The following RAD51B variants were observed in gnomAD, a reference collection of about 807,000 sequenced individuals.
RAD51B encodes the protein DNA repair protein RAD51 homolog 2.
In RAD51B, 38 loss-of-function variants were observed where a neutral mutation model predicts 42.2. That is an observed-to-expected ratio of 0.90 (90% CI 0.70 to 1.18). The LOEUF (loss-of-function observed/expected upper bound fraction) is 1.18. Among genes scored for constraint, RAD51B ranks in the 50% most tolerant of loss-of-function variants. The pLI is 0.00. For synonymous variants in RAD51B, 154 were observed against 145.2 expected (o/e 1.06, Z -0.43); for missense variants, 373 against 400.7 (o/e 0.93, Z 0.59).
At chr14:68,363,599 T>A (rs769654102) in intron 8 of RAD51B, among the ~76,000 whole-genome samples, 1 of 152,180 alleles carries the variant, frequency 6.6e-6, no homozygotes, top group Non-Finnish European at 1.5e-5. Context: ...CCACTCTGTG[T>A]CCTTCTTCCC....
chr14:68,121,407 T>G (rs1191160305), intron 7 of RAD51B, among the ~76,000 whole-genome samples: 2 of 152,196 alleles, frequency 1.3e-5, no homozygotes. Context: ...TCCTCCTTGT[T>G]GAGGAGTAAC....
rs149922000 is a variant in RAD51B, at chr14:68,530,996, GA to G, written c.1036+62747del. On this transcript the variant is annotated intron_variant, in intron 10 of 10. Coordinates refer to the RAD51B transcript ENST00000487270. The stretch of plus-strand genomic sequence containing the variant: ...TTGCCTTGTTCAGGGAGGAGGATAA[GA>G]TATTGAAAATTTCAGACTTTGAAAC... 6.0e-3 allele frequency among the ~76,000 whole-genome samples: 912 copies of G among 152,166 alleles called. 12 individuals carry two copies. The highest frequency in any genetic ancestry group is 0.021 in the African/African-American group (885 of 41,530).
chr14:67,962,409 C>T lies in RAD51B; in HGVS notation c.756+75205C>T, dbSNP rs984587729. 3.3e-5 allele frequency among the ~76,000 whole-genome samples: 5 copies of T among 152,078 alleles called. No individual in the cohort carries two copies. In the East Asian group the frequency reaches 9.6e-4, roughly 29 times the overall value. The stretch of plus-strand genomic sequence containing the variant: ...CATCATGTCATATCCTGATTGTTGC[C>T]AAACAAGAGAAAGGTTTCTTCAGTC... On this transcript the variant is annotated intron_variant, in intron 7 of 10. Transcript: ENST00000471583.
At chr14:68,019,425 G>A (rs767335301) in intron 7 of RAD51B, among the ~76,000 whole-genome samples, 26 of 151,992 alleles carry the variant, frequency 1.7e-4, no homozygotes, top group Admixed American at 2.6e-4. Context: ...AAAGTATAGC[G>A]CTGAACATAA....
chr14:68,216,664 C>A (rs2079822242), intron 7 of RAD51B, among the ~76,000 whole-genome samples: 1 of 152,116 alleles, frequency 6.6e-6, no homozygotes, highest in Non-Finnish European at 1.5e-5. Flanking sequence ...TTATTTCTTG[C>A]CATAAAATTA....
intron 10 of RAD51B, among the ~76,000 whole-genome samples, chr14:68,590,269 A>C (rs1224732888): frequency 1.3e-5 from 2 of 152,202 alleles, no homozygotes; most frequent in African/African-American, 4.8e-5. Flanking sequence ...TTTGCCATGC[A>C]TCTCTTCAAG....
chr14:67,956,301 G>C (rs1289478050), intron 7 of RAD51B, among the ~76,000 whole-genome samples: 1 of 151,896 alleles, frequency 6.6e-6, no homozygotes, highest in Non-Finnish European at 1.5e-5. Context: ...GGAGTTTGAG[G>C]CCAGCCTGGC....
At chr14:68,360,936 G>A (rs1470820706) in intron 8 of RAD51B, among the ~76,000 whole-genome samples, 5 of 152,174 alleles carry the variant, frequency 3.3e-5, no homozygotes, top group Non-Finnish European at 7.4e-5. Context: ...ATTCTTCTTG[G>A]CCTCCCTATA....
chr14:67,874,157 T>C (rs929757644), intron 5 of RAD51B, among the ~76,000 whole-genome samples: 1 of 152,126 alleles, frequency 6.6e-6, no homozygotes, highest in African/African-American at 2.4e-5. Flanking sequence ...GATGATATAC[T>C]TAAAAGCACT....
intron 7 of RAD51B, among the ~76,000 whole-genome samples, chr14:68,013,167 C>G (rs2140333733): frequency 6.6e-6 from 1 of 152,152 alleles, no homozygotes; most frequent in East Asian, 1.9e-4. Flanking sequence ...GCTGTTGGCC[C>G]CAGTTCCTCT....
chr14:68,350,480 C>T (rs1199451559), intron 8 of RAD51B, among the ~76,000 whole-genome samples: 1 of 152,228 alleles, frequency 6.6e-6, no homozygotes, highest in Non-Finnish European at 1.5e-5. Flanking sequence ...GCAGAGTGAG[C>T]AAAGGCTGAC....
At chr14:68,663,898 A>T (rs1403140742) in intron 11 of RAD51B, among the ~76,000 whole-genome samples, 1 of 152,198 alleles carries the variant, frequency 6.6e-6, no homozygotes. Flanking sequence ...TCAGGATTTT[A>T]TGTGATTATA....
At chr14:68,589,622 G>T (rs1890649993) in intron 10 of RAD51B, among the ~76,000 whole-genome samples, 1 of 152,208 alleles carries the variant, frequency 6.6e-6, no homozygotes, top group Non-Finnish European at 1.5e-5. Context: ...GCACAGGGCA[G>T]ATGAGGGTAG....
intron 8 of RAD51B, among the ~76,000 whole-genome samples, chr14:68,299,475 T>G (rs992346828): frequency 6.6e-6 from 1 of 152,208 alleles, no homozygotes; most frequent in African/African-American, 2.4e-5. Flanking sequence ...TTAGGTATTA[T>G]AAATAATCTA....
At chr14:67,907,022 T>C (rs1413898535) in intron 7 of RAD51B, among the ~76,000 whole-genome samples, 1 of 152,090 alleles carries the variant, frequency 6.6e-6, no homozygotes, top group African/African-American at 2.4e-5. Context: ...TTGGTCAGGC[T>C]GGTCTTGAAG....
chr14:68,395,445 A>G (rs1243328682), intron 8 of RAD51B, among the ~76,000 whole-genome samples: 6 of 152,174 alleles, frequency 3.9e-5, no homozygotes, highest in African/African-American at 1.2e-4. Flanking sequence ...AAAAGAAAAT[A>G]CAGAATAATA....
intron 7 of RAD51B, among the ~76,000 whole-genome samples, chr14:68,060,183 G>C (rs1334275702): frequency 6.6e-6 from 1 of 152,234 alleles, no homozygotes; most frequent in Non-Finnish European, 1.5e-5. Flanking sequence ...ACACATTTCT[G>C]TTATAAAGCA....
At chr14:68,428,488 A>G (rs909892566) in intron 9 of RAD51B, among the ~76,000 whole-genome samples, 2 of 151,952 alleles carry the variant, frequency 1.3e-5, no homozygotes, top group Non-Finnish European at 2.9e-5. Flanking sequence ...TTCGCATTGC[A>G]TAACTGAAAC....
intron 7 of RAD51B, among the ~76,000 whole-genome samples, chr14:68,165,175 A>G (rs2078723830): frequency 6.6e-6 from 1 of 152,232 alleles, no homozygotes; most frequent in South Asian, 2.1e-4. Context: ...TTTTCTTTCA[A>G]CCAACAGGGA....
Sources: gnomAD v4.1 joint callset for allele counts (sites outside exome capture counted in the v4.1 genomes callset) on GRCh38, gnomAD v4.1.1 for gene constraint, MANE v1.5 for transcripts, NCBI Gene and HGNC (gene_info 2026-07-23, HGNC 2026-07-21) for gene names.